C14orf93: variants seen among roughly 807,000 people sequenced by gnomAD.
The protein encoded by C14orf93 is uncharacterized protein C14orf93.
In C14orf93, 23 loss-of-function variants were observed where a neutral mutation model predicts 44.0. The observed-to-expected ratio is 0.52, with a 90% CI of 0.38 to 0.74. C14orf93 has a LOEUF of 0.74. C14orf93 is among the 30% of genes least tolerant of loss of function. The pLI is 0.00. For missense variants in C14orf93, 579 were observed against 678.9 expected (o/e 0.85, Z 1.64); for synonymous variants, 253 against 265.7 (o/e 0.95, Z 0.46).
Position 22,987,114 on chromosome 14 carries a change from C to G in C14orf93, c.*101G>C, listed in dbSNP as rs2045265310. The G allele has an allele frequency of 7.6e-7, 1 of 1,313,462 alleles. No individual in the cohort carries two copies. The highest frequency in any genetic ancestry group is 2.5e-5 in the East Asian group (1 of 39,612). The allele number at this position is 1,313,462 out of a possible 1,614,324, so 81.4% of individuals were successfully genotyped here. A position where few individuals can be genotyped will look rare whatever the true frequency, so the allele number is the denominator to read the frequency against. ...AAGAAAAGAGGCAAATTTGCTTTCTCAGACTGCACAGAGCATCTCATTATT... is the reference window on the plus strand; with the variant it reads ...AAGAAAAGAGGCAAATTTGCTTTCTGAGACTGCACAGAGCATCTCATTATT... On this transcript the variant is annotated 3_prime_UTR_variant, in exon 7 of 7. Coordinates refer to ENST00000299088, the MANE Select transcript of C14orf93 (RefSeq NM_021944.4). The surrounding 1 kb of genome is among the most constrained non-coding windows in gnomAD (Gnocchi z 5.6).
chr14:23,009,865 C>G (rs758975519), intron 1 of C14orf93, among the ~76,000 whole-genome samples: 5 of 151,854 alleles, frequency 3.3e-5, no homozygotes, highest in Non-Finnish European at 5.9e-5. Context: ...GAAAAAAAAA[C>G]TATAAATTTG....
intron 5 of C14orf93, among the ~76,000 whole-genome samples, chr14:22,989,083 C>G (rs2045426379): frequency 6.6e-6 from 1 of 152,128 alleles, no homozygotes; most frequent in African/African-American, 2.4e-5. Flanking sequence ...CAGGCTCAAG[C>G]AATCCTCCCA....
Position 22,987,716 on chromosome 14 carries a change from C to G in C14orf93, c.1198-82G>C. The G allele has an allele frequency of 1.4e-6, 2 of 1,440,820 alleles. No homozygotes were observed. Among genetic ancestry groups the G allele is most frequent in the Non-Finnish European group, 1.9e-6 (2 of 1,072,626 alleles). The allele number at this position is 1,440,820 out of a possible 1,614,324, so 89.3% of individuals were successfully genotyped here. On this transcript the variant is annotated intron_variant, in intron 6 of 6. Transcript: ENST00000299088. The surrounding 1 kb of genome is among the most constrained non-coding windows in gnomAD (Gnocchi z 5.6). ...TGGGGAAAAGGTTTGGTGGGGAAGG[C>G]TGTGTAAAATCTGTGCCTAAGTGAA...
At chr14:23,003,109 G>C (rs1340504205) in intron 1 of C14orf93, among the ~76,000 whole-genome samples, 1 of 152,128 alleles carries the variant, frequency 6.6e-6, no homozygotes, top group Admixed American at 6.6e-5. Flanking sequence ...TTTTCCTATT[G>C]TGAGTTCAAT....
chr14:23,007,602 T>G (rs549592176), intron 1 of C14orf93, among the ~76,000 whole-genome samples: 45 of 152,178 alleles, frequency 3.0e-4, no homozygotes, highest in Admixed American at 2.7e-3. Flanking sequence ...TTTGCTTTGC[T>G]TTGGAAGGCC....
At chr14:22,991,588 T>C (rs1347545323) in intron 3 of C14orf93, among the ~76,000 whole-genome samples, 2 of 151,540 alleles carry the variant, frequency 1.3e-5, no homozygotes, top group African/African-American at 4.9e-5. Flanking sequence ...TTTTTTCTTT[T>C]TGAGACAGAG....
At chr14:22,995,376 A>G (rs1055631568) in intron 3 of C14orf93, among the ~76,000 whole-genome samples, 9 of 152,200 alleles carry the variant, frequency 5.9e-5, no homozygotes, top group African/African-American at 1.4e-4. Context: ...TCTTCTCATC[A>G]GGATTATTAG....
In C14orf93 at chr14:22,998,480, G is replaced by C; in HGVS notation, c.544C>G (p.Arg182Gly). The C allele has an allele frequency of 6.2e-7, 1 of 1,605,050 alleles. No homozygotes were observed. The highest frequency in any genetic ancestry group is 1.7e-5 in the Admixed American group (1 of 58,874). The change falls in exon 2 of 7, where the codon CGG (arginine) becomes GGG (glycine). Residue 182 changes from arginine to glycine, a missense_variant. By Grantham distance (125) the Arg-to-Gly change is moderately radical. Coordinates refer to ENST00000299088, the MANE Select transcript of C14orf93 (RefSeq NM_021944.4). The part of the protein sequence containing the change: ...LGFPATQRDM[R>G]LPGCTLAASE... ...GCAGCCAGCGTGCACCCTGGGAGCC[G>C]CATGTCCCTCTGAGTTGCTGGGAAG... is the stretch of plus-strand genomic sequence containing the variant.
intron 4 of C14orf93, 68 bp from the exon 5 acceptor site, chr14:22,989,913 A>G: frequency 6.8e-7 from 1 of 1,480,620 alleles, no homozygotes. Context: ...AGAGATACCC[A>G]GCACTAATCA....
chr14:22,988,470 C>A (rs2045379119), intron 5 of C14orf93, among the ~76,000 whole-genome samples: 1 of 152,248 alleles, frequency 6.6e-6, no homozygotes, highest in African/African-American at 2.4e-5. Flanking sequence ...CTTCACTCCT[C>A]TTTGGTTAGG....
intron 1 of C14orf93, chr14:23,005,119 T>C (rs1205655738): frequency 6.6e-6 from 1 of 151,208 alleles, no homozygotes; most frequent in African/African-American, 2.4e-5. Context: ...ACTGATAGGG[T>C]AGTAAGACAT....
rs1390288813 is a variant in C14orf93, at chr14:22,986,398, T to A, written c.*817A>T. The A allele has an allele frequency of 6.6e-6, 1 of 152,244 alleles. No homozygotes were observed. Among genetic ancestry groups the A allele is most frequent in the African/African-American group, 2.4e-5 (1 of 41,440 alleles). 9.4% of individuals were successfully genotyped at this position (152,244 alleles called of 1,614,324 possible). ...TATCCATAGCACAGTACCTGACACC[T>A]AGTAAAGCGATCAATGTTTGTTATA... On this transcript the variant is annotated 3_prime_UTR_variant, in exon 7 of 7. Coordinates refer to ENST00000299088, the MANE Select transcript of C14orf93 (RefSeq NM_021944.4).
Position 22,987,847 on chromosome 14 carries a change from C to T in C14orf93, c.1197+56G>A. On this transcript the variant is annotated intron_variant, in intron 6 of 6. Coordinates refer to ENST00000299088, the MANE Select transcript of C14orf93 (RefSeq NM_021944.4). The surrounding 1 kb of genome is among the most constrained non-coding windows in gnomAD (Gnocchi z 5.6). ...CATATGCCATGTCCTCTGGCCCTTC[C>T]CACTTAGGAAAGGGTTTAGAGTTTA... The T allele has an allele frequency of 1.4e-6, 2 of 1,443,454 alleles. No homozygotes were observed. Among genetic ancestry groups the T allele is most frequent in the African/African-American group, 1.4e-5 (1 of 70,822 alleles). The allele number at this position is 1,443,454 out of a possible 1,614,324, so 89.4% of individuals were successfully genotyped here. A position where few individuals can be genotyped will look rare whatever the true frequency, so the allele number is the denominator to read the frequency against.
intron 1 of C14orf93, chr14:23,005,435 C>T (rs1418859332): frequency 6.6e-6 from 1 of 152,030 alleles, no homozygotes; most frequent in Non-Finnish European, 1.5e-5. Context: ...TTGAGACCAA[C>T]CTCGGCAGCA....
rs1470963369 is a variant in C14orf93, at chr14:22,987,873, G to A, written c.1197+30C>T. On this transcript the variant is annotated intron_variant, in intron 6 of 6. Coordinates refer to ENST00000299088, the MANE Select transcript of C14orf93 (RefSeq NM_021944.4). This position sits in a 1 kb window ranked among gnomAD's most constrained non-coding sequence, Gnocchi z 5.6. ...CACTTAGGAAAGGGTTTAGAGTTTA[G>A]TATCTTGAAAGAAAGGCCTAGAAAC... 1.3e-6 allele frequency: 2 copies of A among 1,546,750 alleles called. No homozygotes were observed. Among genetic ancestry groups the A allele is most frequent in the Non-Finnish European group, 1.8e-6 (2 of 1,120,162 alleles).
At chr14:23,001,818 A>G (rs2046311066) in intron 1 of C14orf93, among the ~76,000 whole-genome samples, 1 of 140,180 alleles carries the variant, frequency 7.1e-6, no homozygotes, top group Non-Finnish European at 1.5e-5. Context: ...CATCTTTCCA[A>G]AACAGCACTG....
At chr14:23,007,924 G>A (rs1335675754) in intron 1 of C14orf93, among the ~76,000 whole-genome samples, 1 of 152,082 alleles carries the variant, frequency 6.6e-6, no homozygotes, top group African/African-American at 2.4e-5. Context: ...AGGCAGAGGC[G>A]GGCGGATCAC....
chr14:22,988,969 C>G (rs1594593961), intron 5 of C14orf93, among the ~76,000 whole-genome samples: 1 of 152,056 alleles, frequency 6.6e-6, no homozygotes, highest in East Asian at 1.9e-4. Context: ...CCTATTGCCA[C>G]TCTGATGGAA....
At chr14:23,001,839 TAAAAAAAAAA>T (rs780256403) in intron 1 of C14orf93, among the ~76,000 whole-genome samples, 8 of 59,550 alleles carry the variant, frequency 1.3e-4, no homozygotes, top group Non-Finnish European at 1.4e-4. Context: ...TACTGCAGGT[TAAAAAAAAAA>T]AAAAAAAAAA....
Sources: gnomAD v4.1 joint callset for allele counts (sites outside exome capture counted in the v4.1 genomes callset) on GRCh38, gnomAD v4.1.1 for gene constraint, Gnocchi (gnomAD v3.1) non-coding constraint, MANE v1.5 for transcripts, NCBI Gene and HGNC (gene_info 2026-07-23, HGNC 2026-07-21) for gene names.